Variants in MSRA observed in about 807,000 individuals in gnomAD.
MSRA encodes the protein mitochondrial peptide methionine sulfoxide reductase.
MSRA carries 54 observed loss-of-function variants against 31.3 expected under a neutral mutation model. That is an observed-to-expected ratio of 1.73 (90% CI 1.39 to 2.17). The LOEUF (loss-of-function observed/expected upper bound fraction) is 2.17. Ranked by LOEUF, MSRA falls within the 30% of genes most tolerant of loss-of-function variation. The pLI, the probability that MSRA is intolerant of heterozygous loss-of-function variation, is 0.00. For synonymous variants in MSRA, 169 were observed against 116.5 expected (o/e 1.45, Z -2.90); for missense variants, 507 against 300.9 (o/e 1.69, Z -5.07).
intron 5 of MSRA, among the ~76,000 whole-genome samples, chr8:10,388,906 C>A (rs938216448): frequency 2.0e-5 from 3 of 151,844 alleles, no homozygotes; most frequent in Non-Finnish European, 4.4e-5. Context: ...CTAAAGATGT[C>A]CCCTGGTCAT....
At chr8:10,405,792 CACAT>C (rs377348934) in intron 5 of MSRA, among the ~76,000 whole-genome samples, 177 of 152,296 alleles carry the variant, frequency 1.2e-3, no homozygotes, top group African/African-American at 3.8e-3. Flanking sequence ...CACATGTAAT[CACAT>C]ACACACATGC....
At chr8:10,241,668 C>A (rs1812426273) in intron 2 of MSRA, among the ~76,000 whole-genome samples, 1 of 152,154 alleles carries the variant, frequency 6.6e-6, no homozygotes, top group Non-Finnish European at 1.5e-5. Flanking sequence ...TACATCTAGG[C>A]ATTGAGCACC....
At chr8:10,293,637 GTC>G (rs1476302489) in intron 3 of MSRA, among the ~76,000 whole-genome samples, 12 of 152,308 alleles carry the variant, frequency 7.9e-5, no homozygotes, top group Non-Finnish European at 1.5e-4. Flanking sequence ...GGTCCGACGT[GTC>G]TCTGGTTCCC....
chr8:10,135,493 A>G (rs549749889), intron 1 of MSRA, among the ~76,000 whole-genome samples: 2 of 152,346 alleles, frequency 1.3e-5, no homozygotes, highest in Middle Eastern at 3.4e-3. Context: ...AATGACTTCA[A>G]TTCATAATAT....
chr8:10,055,286 A>G (rs576414782), intron 1 of MSRA, among the ~76,000 whole-genome samples: 3 of 152,366 alleles, frequency 2.0e-5, no homozygotes, highest in African/African-American at 7.2e-5. Flanking sequence ...ACAACTTTCT[A>G]GTCGTTCTCA....
At chr8:10,268,540 C>G (rs1481602281) in intron 3 of MSRA, among the ~76,000 whole-genome samples, 1 of 152,262 alleles carries the variant, frequency 6.6e-6, no homozygotes, top group Non-Finnish European at 1.5e-5. Flanking sequence ...TGCCTCTTCT[C>G]TCCCTATCAT....
intron 5 of MSRA, among the ~76,000 whole-genome samples, chr8:10,371,820 A>T (rs1805494900): frequency 6.6e-6 from 1 of 151,428 alleles, no homozygotes; most frequent in African/African-American, 2.4e-5. Context: ...GTGTTCTTAG[A>T]CTCCATGTCT....
At chr8:10,170,156 G>C (rs1204490220) in intron 1 of MSRA, among the ~76,000 whole-genome samples, 1 of 151,036 alleles carries the variant, frequency 6.6e-6, no homozygotes, top group African/African-American at 2.4e-5. Flanking sequence ...AAAGTGCTGG[G>C]ATTACAGACG....
intron 3 of MSRA, among the ~76,000 whole-genome samples, chr8:10,265,142 C>G (rs1053619606): frequency 6.6e-6 from 1 of 152,144 alleles, no homozygotes; most frequent in Non-Finnish European, 1.5e-5. Context: ...CAAATTATGT[C>G]CTGGAAGAGG....
chr8:10,214,031 C>G (rs1563226292), intron 2 of MSRA, among the ~76,000 whole-genome samples: 1 of 152,272 alleles, frequency 6.6e-6, no homozygotes, highest in East Asian at 1.9e-4. Flanking sequence ...CTCCTAGTAG[C>G]CTGATGGCAA....
intron 1 of MSRA, among the ~76,000 whole-genome samples, chr8:10,063,657 C>T (rs1408989910): frequency 6.6e-6 from 1 of 152,122 alleles, no homozygotes; most frequent in African/African-American, 2.4e-5. Context: ...GTAAAAGAGA[C>T]CCCAGATAAC....
At chr8:10,263,102 C>T (rs538279743) in intron 3 of MSRA, among the ~76,000 whole-genome samples, 65 of 152,262 alleles carry the variant, frequency 4.3e-4, no homozygotes, top group Non-Finnish European at 7.9e-4. Flanking sequence ...AGCCCGAGGC[C>T]TAGTGTCTAG....
intron 5 of MSRA, among the ~76,000 whole-genome samples, chr8:10,377,545 T>C (rs1014702637): frequency 2.6e-5 from 4 of 152,194 alleles, no homozygotes; most frequent in Admixed American, 6.5e-5. Context: ...GTAAGGAGTA[T>C]GCATATTTTT....
intron 4 of MSRA, among the ~76,000 whole-genome samples, chr8:10,314,527 G>A (rs1180853320): frequency 1.3e-5 from 2 of 152,182 alleles, no homozygotes; most frequent in Non-Finnish European, 1.5e-5. Context: ...AGCATTTAGA[G>A]CTCCAGGAAT....
At chr8:10,086,629 A>C (rs553842138) in intron 1 of MSRA, among the ~76,000 whole-genome samples, 1 of 152,304 alleles carries the variant, frequency 6.6e-6, no homozygotes, top group South Asian at 2.1e-4. Flanking sequence ...TAAAGAGTGC[A>C]AAGTGTTTCT....
At position 10,349,875 on chromosome 8, in the gene MSRA, A is replaced by T. The variant is rs115675895; in HGVS notation, c.543+29886A>T. 5.3e-3 allele frequency among the ~76,000 whole-genome samples: 807 copies of T among 152,328 alleles called. 9 individuals carry two copies. The highest frequency in any genetic ancestry group is 0.018 in the African/African-American group (759 of 41,582). ...AGGCTCACTGCTGCTAGCATGTTGG[A>T]GCCCAAGGGCATTGAGGGGCCTTCC... is the stretch of plus-strand genomic sequence containing the variant. On this transcript the variant is annotated intron_variant, in intron 5 of 5. Transcript: ENST00000317173.
intron 2 of MSRA, among the ~76,000 whole-genome samples, chr8:10,223,731 G>C (rs984497438): frequency 6.6e-6 from 1 of 152,140 alleles, no homozygotes; most frequent in African/African-American, 2.4e-5. Context: ...AAAAATTGTA[G>C]GGGTGTAGTT....
chr8:10,258,517 T>C (rs923122410), intron 3 of MSRA, among the ~76,000 whole-genome samples: 1 of 152,182 alleles, frequency 6.6e-6, no homozygotes, highest in African/African-American at 2.4e-5. Context: ...TCCTGATCAA[T>C]GCCGAGTTGT....
At chr8:10,201,592 A>G (rs960796232) in intron 1 of MSRA, among the ~76,000 whole-genome samples, 4 of 152,180 alleles carry the variant, frequency 2.6e-5, no homozygotes, top group African/African-American at 9.7e-5. Context: ...ATTATTGTAG[A>G]TGTGTTACCA....
Sources: gnomAD v4.1 joint callset for allele counts (sites outside exome capture counted in the v4.1 genomes callset) on GRCh38, gnomAD v4.1.1 for gene constraint, MANE v1.5 for transcripts, NCBI Gene and HGNC (gene_info 2026-07-23, HGNC 2026-07-21) for gene names.